CABIN1: variants seen among roughly 807,000 people sequenced by gnomAD.
CABIN1 encodes calcineurin binding protein 1.
CABIN1 carries 133 observed loss-of-function variants against 227.7 expected under a neutral mutation model. The ratio of observed to expected loss-of-function variants is 0.58; its 90% CI spans 0.51 to 0.67. The LOEUF (loss-of-function observed/expected upper bound fraction) is 0.67. CABIN1 is among the 30% of genes least tolerant of loss of function. The pLI, the probability that CABIN1 is intolerant of heterozygous loss-of-function variation, is 0.00. For missense variants in CABIN1, 2,408 were observed against 2,852.5 expected (o/e 0.84, Z 3.55); for synonymous variants, 1,086 against 1,155.1 (o/e 0.94, Z 1.21).
At chr22:24,092,495 T>C (rs925762846) in intron 24 of CABIN1, among the ~76,000 whole-genome samples, 2 of 152,114 alleles carry the variant, frequency 1.3e-5, no homozygotes, top group South Asian at 4.1e-4. Context: ...TTGGTAGAGA[T>C]CCAGATGTCC....
chr22:24,072,605 G>T, intron 18 of CABIN1, 95 bp downstream of exon 18: 1 of 1,428,692 alleles, frequency 7.0e-7, no homozygotes, highest in Non-Finnish European at 9.8e-7. Flanking sequence ...TCCAGACGTT[G>T]TGAGTGGGGC....
chr22:24,099,144 G>T (rs772200802), intron 26 of CABIN1, among the ~76,000 whole-genome samples: 5 of 152,162 alleles, frequency 3.3e-5, no homozygotes, highest in African/African-American at 1.2e-4. Context: ...TCTGGGGGGG[G>T]CCACCACCTT....
chr22:24,172,291 GTT>G (rs2148780602), intron 34 of CABIN1, among the ~76,000 whole-genome samples: 1 of 152,334 alleles, frequency 6.6e-6, no homozygotes, highest in South Asian at 2.1e-4. Context: ...GTTTGCTACT[GTT>G]TCCTCCCCAC....
intron 23 of CABIN1, among the ~76,000 whole-genome samples, chr22:24,090,719 A>G (rs1002732441): frequency 2.0e-5 from 3 of 152,088 alleles, no homozygotes; most frequent in Non-Finnish European, 2.9e-5. Flanking sequence ...TGCCCTTGCC[A>G]GAGACTAGTG....
intron 24 of CABIN1, among the ~76,000 whole-genome samples, chr22:24,095,434 A>G (rs1202589885): frequency 1.9e-5 from 1 of 51,598 alleles, no homozygotes; most frequent in African/African-American, 7.1e-5. Context: ...CCACCCCCCC[A>G]CCACACCCAC....
At chr22:24,097,953 C>T in intron 25 of CABIN1, 61 bp from the exon 26 acceptor site, 1 of 1,602,862 alleles carries the variant, frequency 6.2e-7, no homozygotes, top group Non-Finnish European at 8.5e-7. Context: ...CTTACCAGTA[C>T]ACATCTGTTT....
At chr22:24,119,234 C>A (rs1569241977) in intron 27 of CABIN1, 133 bp from the exon 28 acceptor site, 2 of 801,056 alleles carry the variant, frequency 2.5e-6, no homozygotes, top group Admixed American at 1.9e-5. Context: ...CTGGGTCCAG[C>A]ATCCACTCAG....
At chr22:24,160,937 G>A (rs1654398884) in intron 29 of CABIN1, among the ~76,000 whole-genome samples, 1 of 152,166 alleles carries the variant, frequency 6.6e-6, no homozygotes, top group South Asian at 2.1e-4. Flanking sequence ...AGTCTTCGTG[G>A]GTTCCCAAAT....
Position 24,111,290 on chromosome 22 carries a change from C to T in CABIN1, c.4118-2276C>T, listed in dbSNP as rs1420765288. 3.3e-5 allele frequency among the ~76,000 whole-genome samples: 5 copies of T among 152,190 alleles called. No individual in the cohort carries two copies. The South Asian group carries it at 6.2e-4, about 19-fold the overall frequency. On this transcript the variant is annotated intron_variant, in intron 26 of 36. Coordinates refer to ENST00000263119, the MANE Select transcript of CABIN1 (RefSeq NM_012295.4). The stretch of plus-strand genomic sequence containing the variant: ...GCAAAATCATCTAACACGGGGGTCC[C>T]CAACCCCCAGGTCACAGACTGGTAC...
intron 6 of CABIN1, among the ~76,000 whole-genome samples, chr22:24,045,046 A>G (rs1489235597): frequency 6.6e-6 from 1 of 152,044 alleles, no homozygotes; most frequent in African/African-American, 2.4e-5. Flanking sequence ...CAGCCTCCAA[A>G]GTAGCTGGGA....
chr22:24,061,197 G>T (rs1438728565), intron 12 of CABIN1, among the ~76,000 whole-genome samples: 1 of 152,216 alleles, frequency 6.6e-6, no homozygotes, highest in Non-Finnish European at 1.5e-5. Flanking sequence ...TCTTCCTGCT[G>T]CATTCCACAC....
chr22:24,086,089 C>G (rs1269363984), intron 22 of CABIN1, among the ~76,000 whole-genome samples: 1 of 152,192 alleles, frequency 6.6e-6, no homozygotes, highest in African/African-American at 2.4e-5. Flanking sequence ...AAGGTTCTCA[C>G]AGAACTTCTT....
At chr22:24,067,641 T>G (rs1383055623) in intron 16 of CABIN1, among the ~76,000 whole-genome samples, 1 of 152,256 alleles carries the variant, frequency 6.6e-6, no homozygotes, top group East Asian at 1.9e-4. Flanking sequence ...TGTGCCCTCC[T>G]GAATCCTTCT....
intron 19 of CABIN1, among the ~76,000 whole-genome samples, chr22:24,079,916 G>A (rs2040698753): frequency 6.6e-6 from 1 of 152,054 alleles, no homozygotes; most frequent in Admixed American, 6.5e-5. Flanking sequence ...TTAACTATGT[G>A]TATGGTATTT....
At chr22:24,044,060 G>A (rs1051986299) in intron 6 of CABIN1, among the ~76,000 whole-genome samples, 1 of 152,176 alleles carries the variant, frequency 6.6e-6, no homozygotes, top group Non-Finnish European at 1.5e-5. Context: ...GCCCACTGAG[G>A]TGGCAACATC....
intron 6 of CABIN1, among the ~76,000 whole-genome samples, chr22:24,046,184 G>A (rs975958597): frequency 1.3e-5 from 2 of 152,016 alleles, no homozygotes; most frequent in South Asian, 2.1e-4. Context: ...GTCGGTGAGC[G>A]CACCCATGTG....
chr22:24,087,446 C>A lies in CABIN1; in HGVS notation c.3264-6C>A. 2 of 1,613,700 alleles carry A rather than the reference C, an allele frequency of 1.2e-6. No homozygotes were observed. Among genetic ancestry groups the A allele is most frequent in the Non-Finnish European group, 8.5e-7 (1 of 1,180,036 alleles). ...TTTTTAGCTGGTGCTTTTGTTACCA[C>A]CACAGGTTTGATTCCTGGGCAGGCA... On this transcript the variant is annotated splice_region_variant and splice_polypyrimidine_tract_variant and intron_variant, in intron 22 of 36. Coordinates refer to ENST00000263119, the MANE Select transcript of CABIN1 (RefSeq NM_012295.4).
At chr22:24,015,848 C>T (rs1248416133) in intron 1 of CABIN1, among the ~76,000 whole-genome samples, 1 of 152,070 alleles carries the variant, frequency 6.6e-6, no homozygotes, top group Non-Finnish European at 1.5e-5. Context: ...GTCCCAGCTA[C>T]CCGGGAAGCT....
At position 24,084,747 on chromosome 22, in the gene CABIN1, G is replaced by A; in HGVS notation, c.3079G>A (p.Asp1027Asn). The change falls in exon 21 of 37, where the codon GAC becomes AAC. Residue 1027 changes from aspartate (D) to asparagine (N), a missense_variant. Transcript: ENST00000263119. ...PRTERPALSL[D>N]KVSAYIEGTS... Reference sequence around the variant, plus strand: ...CACAGAGAGGCCAGCCCTTAGCCTGGACAAAGTCTCTGCCTACATTGAGGG... The same window carrying A: ...CACAGAGAGGCCAGCCCTTAGCCTGAACAAAGTCTCTGCCTACATTGAGGG... The A allele has an allele frequency of 1.2e-6, 2 of 1,614,214 alleles. No individual in the cohort carries two copies. Among genetic ancestry groups the A allele is most frequent in the Non-Finnish European group, 1.7e-6 (2 of 1,180,030 alleles).
Sources: gnomAD v4.1 joint callset for allele counts (sites outside exome capture counted in the v4.1 genomes callset) on GRCh38, gnomAD v4.1.1 for gene constraint, MANE v1.5 for transcripts, NCBI Gene and HGNC (gene_info 2026-07-23, HGNC 2026-07-21) for gene names.